QPCTL: variants seen among roughly 807,000 people sequenced by gnomAD.
QPCTL encodes the protein glutaminyl-peptide cyclotransferase like.
Under a neutral mutation model 34.6 loss-of-function variants are expected in QPCTL, and 31 were observed. That is an observed-to-expected ratio of 0.90 (90% CI 0.67 to 1.21). The LOEUF (loss-of-function observed/expected upper bound fraction) is 1.21. QPCTL is among the 50% of genes most tolerant of loss of function. The pLI, the probability that QPCTL is intolerant of heterozygous loss-of-function variation, is 0.00. For synonymous variants in QPCTL, 223 were observed against 226.9 expected (o/e 0.98, Z 0.15); for missense variants, 474 against 507.8 (o/e 0.93, Z 0.64).
chr19:45,699,320 C>T (rs958172169), intron 5 of QPCTL, among the ~76,000 whole-genome samples: 28 of 151,582 alleles, frequency 1.8e-4, no homozygotes, highest in Middle Eastern at 3.2e-3. Context: ...CGTGAGCCAC[C>T]GTGCCTGGTG....
intron 3 of QPCTL, among the ~76,000 whole-genome samples, chr19:45,697,298 C>A (rs1188621832): frequency 6.7e-6 from 1 of 150,186 alleles, no homozygotes; most frequent in Non-Finnish European, 1.5e-5. Flanking sequence ...TGGTGGCGGG[C>A]GCCTGTAGTC....
intron 5 of QPCTL, among the ~76,000 whole-genome samples, chr19:45,701,124 AC>A (rs1967803701): frequency 6.6e-6 from 1 of 151,816 alleles, no homozygotes; most frequent in Non-Finnish European, 1.5e-5. Context: ...GCACACACAC[AC>A]ACACACACAA....
At position 45,701,828 on chromosome 19, in the gene QPCTL, A is replaced by T. The variant is rs780770210; in HGVS notation, c.917A>T (p.Gln306Leu). The change falls in exon 6 of 7, where the codon CAG becomes CTG. Residue 306 changes from glutamine (Q) to leucine (L), a missense_variant. Coordinates refer to ENST00000012049, the MANE Select transcript of QPCTL (RefSeq NM_017659.4). ...CGTCTGCACCGTTTGAACCTGCTGCAGTCTCATCCCCAGGAAGTGATGTAC... is the reference window on the plus strand; with the variant it reads ...CGTCTGCACCGTTTGAACCTGCTGCTGTCTCATCCCCAGGAAGTGATGTAC... ...EKRLHRLNLL[Q>L]SHPQEVMYFQ... is the part of the protein sequence containing the mutation. The T allele has an allele frequency of 6.2e-6, 10 of 1,613,962 alleles. No homozygotes were observed. Among genetic ancestry groups the T allele is most frequent in the Non-Finnish European group, 8.5e-6 (10 of 1,179,920 alleles).
rs368400618 is a variant in QPCTL, at chr19:45,698,593, C to T, written c.680C>T (p.Ala227Val). Reference protein sequence around the residue: ...LQLLFLDGEEALKEWGPKDSL... With the variant: ...LQLLFLDGEEVLKEWGPKDSL... Reference sequence around the variant, plus strand: ...CTGCTCTTCTTGGATGGTGAAGAGGCGCTGAAGGAGTGGGGACCCAAGGAC... The same window carrying T: ...CTGCTCTTCTTGGATGGTGAAGAGGTGCTGAAGGAGTGGGGACCCAAGGAC... The change falls in exon 4 of 7, where the codon GCG becomes GTG. Residue 227 changes from alanine to valine, a missense_variant. Ala to Val is a moderately conservative substitution (Grantham distance 64). Coordinates refer to ENST00000012049, the MANE Select transcript of QPCTL (RefSeq NM_017659.4). 146 of 1,614,004 alleles carry T rather than the reference C, an allele frequency of 9.0e-5. No individual in the cohort carries two copies. Among genetic ancestry groups the T allele is most frequent in the Middle Eastern group, 1.6e-4 (1 of 6,080 alleles).
chr19:45,696,023 C>T (rs911352872), intron 3 of QPCTL, among the ~76,000 whole-genome samples: 3 of 152,078 alleles, frequency 2.0e-5, no homozygotes, highest in Non-Finnish European at 4.4e-5. Flanking sequence ...CGTGAGCCAC[C>T]GCGCCTGGTC....
Position 45,701,812 on chromosome 19 carries a change from C to G in QPCTL, c.901C>G (p.Arg301Gly). ...CCCACTTCCAGAGAAGCGTCTGCACCGTTTGAACCTGCTGCAGTCTCATCC... is the reference window on the plus strand; with the variant it reads ...CCCACTTCCAGAGAAGCGTCTGCACGGTTTGAACCTGCTGCAGTCTCATCC... ...RLRSIEKRLH[R>G]LNLLQSHPQE... Residue 301 changes from arginine (R) to glycine (G), a missense_variant, in exon 6 of 7, where the codon CGT becomes GGT. Arg to Gly is a moderately radical substitution (Grantham distance 125). Coordinates refer to ENST00000012049, the MANE Select transcript of QPCTL (RefSeq NM_017659.4). 6.2e-7 allele frequency: 1 copy of G among 1,613,698 alleles called. No homozygotes were observed. The highest frequency in any genetic ancestry group is 8.5e-7 in the Non-Finnish European group (1 of 1,179,736).
intron 6 of QPCTL, among the ~76,000 whole-genome samples, chr19:45,702,342 A>G (rs1967826966): frequency 6.6e-6 from 1 of 152,082 alleles, no homozygotes; most frequent in Admixed American, 6.6e-5. Context: ...TCACACCTAT[A>G]GTCCCAGCTA....
rs1011618004 is a variant in QPCTL at position 45,695,672 on chromosome 19, A to G, written c.587A>G (p.Glu196Gly). ...GCTGTGCCCTGTGCCCTGCTGCTGG[A>G]GCTGGCCCAAGCACTTGACCTGGAG... ...DSAVPCALLL[E>G]LAQALDLELS... Residue 196 changes from glutamate (E) to glycine (G), a missense_variant, in exon 3 of 7, where the codon GAG becomes GGG. Coordinates refer to ENST00000012049, the MANE Select transcript of QPCTL (RefSeq NM_017659.4). The G allele has an allele frequency of 3.7e-6, 6 of 1,613,146 alleles. No individual in the cohort carries two copies. Among genetic ancestry groups the G allele is most frequent in the Non-Finnish European group, 5.1e-6 (6 of 1,179,870 alleles).
intron 3 of QPCTL, among the ~76,000 whole-genome samples, chr19:45,698,101 G>C (rs1967734327): frequency 6.6e-6 from 1 of 152,020 alleles, no homozygotes; most frequent in Admixed American, 6.6e-5. Flanking sequence ...AAATTAGCCA[G>C]GCATGATAGC....
chr19:45,696,845 G>A (rs34399924), intron 3 of QPCTL, among the ~76,000 whole-genome samples: 31,998 of 151,850 alleles, frequency 0.21, 3,656 homozygotes, highest in East Asian at 0.41. Flanking sequence ...CTTCCCGGCC[G>A]GGCGTGGTAA....
intron 2 of QPCTL, among the ~76,000 whole-genome samples, chr19:45,694,378 C>CAAAAAAA (rs916322305): frequency 6.9e-6 from 1 of 144,260 alleles, no homozygotes. Context: ...GACTCCATCT[C>CAAAAAAA]AAAAAAAAAA....
chr19:45,701,124 A>G (rs35500721), intron 5 of QPCTL, among the ~76,000 whole-genome samples: 13,395 of 151,898 alleles, frequency 0.088, 966 homozygotes, highest in African/African-American at 0.2. Flanking sequence ...GCACACACAC[A>G]CACACACACA....
intron 1 of QPCTL, 41 bp downstream of exon 1, chr19:45,692,951 T>C: frequency 1.3e-6 from 2 of 1,511,592 alleles, no homozygotes; most frequent in Middle Eastern, 2.2e-4. Context: ...GGGACCCTCA[T>C]TCCCTCCCCG....
rs1261059051 is a variant in QPCTL, at chr19:45,698,527, C to T, written c.634-20C>T. 6.2e-7 allele frequency: 1 copy of T among 1,612,728 alleles called. No individual in the cohort carries two copies. Among genetic ancestry groups the T allele is most frequent in the Non-Finnish European group, 8.5e-7 (1 of 1,179,546 alleles). On this transcript the variant is annotated intron_variant, in intron 3 of 6. Transcript: ENST00000012049. ...GCTAGTCCTGAGCTGGCTCTGGCCA[C>T]CCCCCTGCTGCTCCCACAGGCAGCC...
At chr19:45,702,679 G>T (rs552896922) in intron 6 of QPCTL, among the ~76,000 whole-genome samples, 8 of 151,360 alleles carry the variant, frequency 5.3e-5, no homozygotes, top group Non-Finnish European at 1.2e-4. Flanking sequence ...CGGTAGAATC[G>T]CTGGAACCTG....
chr19:45,698,836 C>A lies in QPCTL; in HGVS notation c.822C>A (p.Pro274=). ...TGCTTCTTGATCTCCTGGGAGCCCC[C>A]AATCCCACCTTCTACAGCCACTTCC... is the stretch of plus-strand genomic sequence containing the variant. ...LFMLLDLLGA[P]NPTFYSHFPR... is the part of the protein sequence containing the mutation. The change falls in exon 5 of 7, where the codon CCC becomes CCA. Residue 274 remains proline, a synonymous_variant. Coordinates refer to ENST00000012049, the MANE Select transcript of QPCTL (RefSeq NM_017659.4). 6.2e-7 allele frequency: 1 copy of A among 1,614,046 alleles called. No homozygotes were observed.
chr19:45,695,386 C>T (rs1187402471), intron 2 of QPCTL, 51 bp from the exon 3 acceptor site: 16 of 1,534,498 alleles, frequency 1.0e-5, no homozygotes, highest in Non-Finnish European at 1.4e-5. Context: ...GCCCTTCTCC[C>T]CACCTCCTCC....
rs558008292 is a variant in QPCTL, at chr19:45,698,495, G to A, written c.634-52G>A. On this transcript the variant is annotated intron_variant, in intron 3 of 6. Coordinates refer to ENST00000012049, the MANE Select transcript of QPCTL (RefSeq NM_017659.4). ...GGGCAAGAAGTGTGGGTATGTTGAG[G>A]CTGAGGGCTAGTCCTGAGCTGGCTC... 61 of 1,605,678 alleles carry A rather than the reference G, an allele frequency of 3.8e-5. No homozygotes were observed. In the South Asian group the frequency reaches 6.4e-4, roughly 17 times the overall value.
Position 45,701,862 on chromosome 19 carries a change from C to T in QPCTL, c.951C>T (p.Pro317=), listed in dbSNP as rs774780995. The T allele has an allele frequency of 1.6e-5, 26 of 1,614,030 alleles. No homozygotes were observed. The highest frequency in any genetic ancestry group is 3.3e-4 in the Middle Eastern group (2 of 6,062). ...SHPQEVMYFQ[P]GEPFGSVEDD... is the part of the protein sequence containing the mutation. ...CCCAGGAAGTGATGTACTTCCAACC[C>T]GGGGAGCCCTTTGGCTCTGTGGAAG... is the stretch of plus-strand genomic sequence containing the variant. Residue 317 remains proline, a synonymous_variant, in exon 6 of 7, where the codon CCC becomes CCT. Transcript: ENST00000012049.
Sources: gnomAD v4.1 joint callset for allele counts (sites outside exome capture counted in the v4.1 genomes callset) on GRCh38, gnomAD v4.1.1 for gene constraint, MANE v1.5 for transcripts, NCBI Gene and HGNC (gene_info 2026-07-23, HGNC 2026-07-21) for gene names.